The following FRAS1 variants were observed in gnomAD, a reference collection of about 807,000 sequenced individuals.
FRAS1 encodes Fraser extracellular matrix complex subunit 1, also known as extracellular matrix organizing protein FRAS1.
In FRAS1, 290 loss-of-function variants were observed where a neutral mutation model predicts 435.2. The ratio of observed to expected loss-of-function variants is 0.67; its 90% CI spans 0.61 to 0.73. The LOEUF (loss-of-function observed/expected upper bound fraction) is 0.73. Among genes scored for constraint, FRAS1 ranks in the 30% least tolerant of loss-of-function variants. FRAS1 has a pLI of 0.00. For missense variants in FRAS1, 4,860 were observed against 5,001.5 expected (o/e 0.97, Z 0.85); for synonymous variants, 1,800 against 1,851.0 (o/e 0.97, Z 0.71).
intron 2 of FRAS1, among the ~76,000 whole-genome samples, chr4:78,183,255 A>G (rs1722112094): frequency 6.6e-6 from 1 of 152,180 alleles, no homozygotes; most frequent in African/African-American, 2.4e-5. Context: ...ATGGACATGG[A>G]AACAAACATC....
chr4:78,096,492 G>A (rs906699336), intron 2 of FRAS1, among the ~76,000 whole-genome samples: 2 of 152,186 alleles, frequency 1.3e-5, no homozygotes, highest in Non-Finnish European at 2.9e-5. Context: ...TTCTCCATGA[G>A]AGCCCTGCCC....
chr4:78,231,779 T>G (rs1724529163), intron 2 of FRAS1, among the ~76,000 whole-genome samples: 1 of 152,134 alleles, frequency 6.6e-6, no homozygotes, highest in South Asian at 2.1e-4. Flanking sequence ...ACAAGTTGTT[T>G]TTTTTTTAAA....
intron 2 of FRAS1, among the ~76,000 whole-genome samples, chr4:78,069,227 G>C (rs1434926763): frequency 1.3e-5 from 2 of 152,154 alleles, no homozygotes; most frequent in Non-Finnish European, 2.9e-5. Context: ...ACTGGGGCAG[G>C]GATGTTAAAT....
At chr4:78,497,450 A>G (rs1034767235) in intron 60 of FRAS1, among the ~76,000 whole-genome samples, 1 of 152,200 alleles carries the variant, frequency 6.6e-6, no homozygotes, top group African/African-American at 2.4e-5. Flanking sequence ...CCCAGGCACC[A>G]GGGAAGACAA....
chr4:78,335,120 G>A (rs1306720161), intron 19 of FRAS1, among the ~76,000 whole-genome samples: 4 of 152,088 alleles, frequency 2.6e-5, no homozygotes, highest in East Asian at 1.9e-4. Context: ...ACACTAGGGC[G>A]ATCTTTTACT....
At chr4:78,522,417 A>G (rs72871376) in intron 68 of FRAS1, among the ~76,000 whole-genome samples, 176 of 152,324 alleles carry the variant, frequency 1.2e-3, no homozygotes, top group African/African-American at 3.9e-3. Flanking sequence ...CCTATTGTTT[A>G]TAAATAAATA....
intron 54 of FRAS1, among the ~76,000 whole-genome samples, chr4:78,476,031 T>A (rs1350664091): frequency 6.6e-6 from 1 of 152,020 alleles, no homozygotes; most frequent in African/African-American, 2.4e-5. Context: ...GATTATGAAG[T>A]GAAGTTTGAG....
chr4:78,372,623 A>G, intron 23 of FRAS1, 95 bp from the exon 24 acceptor site: 1 of 1,453,408 alleles, frequency 6.9e-7, no homozygotes, highest in Non-Finnish European at 9.5e-7. Flanking sequence ...TCCTTATTTT[A>G]CTCCTTGCAG....
At chr4:78,270,547 G>GC (rs996270922) in intron 9 of FRAS1, among the ~76,000 whole-genome samples, 11 of 65,342 alleles carry the variant, frequency 1.7e-4, no homozygotes, top group South Asian at 6.9e-4. Context: ...CCGCCACCCC[G>GC]CCCCCCCGCC....
rs531239946 is a variant in FRAS1, at chr4:78,436,189, A to G, written c.5218-2381A>G. ...ATCAAGAAGAAAAAGATAATCAAGT[A>G]GAAAAATAAGCAAGAGACATGAACA... On this transcript the variant is annotated intron_variant, in intron 38 of 73. Coordinates refer to ENST00000512123, the MANE Select transcript of FRAS1 (RefSeq NM_025074.7). Among the ~76,000 whole-genome samples, 3 of 152,346 alleles carry G rather than the reference A, an allele frequency of 2.0e-5. No homozygotes were observed. The East Asian group carries it at 5.8e-4, about 29-fold the overall frequency.
chr4:78,421,496 G>A (rs1042996612), intron 33 of FRAS1, among the ~76,000 whole-genome samples: 5 of 152,066 alleles, frequency 3.3e-5, no homozygotes, highest in Non-Finnish European at 5.9e-5. Context: ...GATGGTGTCC[G>A]CCTAGATTGA....
chr4:78,148,085 T>G (rs545860903), intron 2 of FRAS1, among the ~76,000 whole-genome samples: 169 of 152,176 alleles, frequency 1.1e-3, no homozygotes, highest in Non-Finnish European at 2.3e-3. Context: ...AGGTCTTCCC[T>G]TCTACAAAAC....
intron 1 of FRAS1, among the ~76,000 whole-genome samples, chr4:78,058,555 A>G (rs752042241): frequency 2.0e-5 from 3 of 152,116 alleles, no homozygotes; most frequent in Admixed American, 1.3e-4. Flanking sequence ...GTCTCCCCCT[A>G]AAGTCCAGTT....
At chr4:78,302,286 T>C (rs1728451534) in intron 14 of FRAS1, among the ~76,000 whole-genome samples, 1 of 151,866 alleles carries the variant, frequency 6.6e-6, no homozygotes, top group South Asian at 2.1e-4. Flanking sequence ...TCCAAGTCTT[T>C]GCTATTATGA....
intron 33 of FRAS1, among the ~76,000 whole-genome samples, chr4:78,419,433 A>G (rs6847369): frequency 0.57 from 87,289 of 151,974 alleles, 25,409 homozygotes; most frequent in Non-Finnish European, 0.62. Flanking sequence ...GAAAGGACAA[A>G]AATGAGCATA....
chr4:78,087,177 A>G (rs1461246353), intron 2 of FRAS1, among the ~76,000 whole-genome samples: 1 of 152,234 alleles, frequency 6.6e-6, no homozygotes, highest in African/African-American at 2.4e-5. Flanking sequence ...CAAAAACCAC[A>G]TGATTATCTC....
chr4:78,150,419 A>G (rs958771493), intron 2 of FRAS1, among the ~76,000 whole-genome samples: 4 of 152,220 alleles, frequency 2.6e-5, no homozygotes, highest in Non-Finnish European at 4.4e-5. Context: ...TCTTCTCGGA[A>G]CACAGATTGG....
chr4:78,203,167 G>A (rs778583883), intron 2 of FRAS1, among the ~76,000 whole-genome samples: 2 of 152,178 alleles, frequency 1.3e-5, no homozygotes, highest in Non-Finnish European at 2.9e-5. Flanking sequence ...TGTTAATTGA[G>A]TGCTTCTTCT....
intron 15 of FRAS1, among the ~76,000 whole-genome samples, chr4:78,312,859 A>AGAGAGAGAGAGAGAG (rs1553943110): frequency 5.7e-5 from 7 of 121,788 alleles, no homozygotes; most frequent in East Asian, 2.5e-4. Flanking sequence ...GAAAGAAAGA[A>AGAGAGAGAGAGAGAG]AGAGAGAGAG....
Sources: allele counts gnomAD v4.1 joint callset (sites outside exome capture counted in the v4.1 genomes callset), GRCh38; gene constraint gnomAD v4.1.1; transcripts MANE v1.5; gene names NCBI Gene and HGNC (gene_info 2026-07-23, HGNC 2026-07-21).